Variants in DARS2 observed in about 807,000 individuals in gnomAD.
DARS2 encodes the protein aspartyl-tRNA synthetase 2, mitochondrial.
DARS2 carries 63 observed loss-of-function variants against 83.0 expected under a neutral mutation model. The ratio of observed to expected loss-of-function variants is 0.76; its 90% CI spans 0.62 to 0.94. DARS2 has a LOEUF of 0.94. Ranked by LOEUF, DARS2 falls within the 40% of genes least tolerant of loss-of-function variation. The probability of loss-of-function intolerance (pLI) is 0.00; values close to 1 mark genes in which losing one functional copy is unlikely to be tolerated. For synonymous variants in DARS2, 250 were observed against 269.3 expected, an observed-to-expected ratio of 0.93 and a Z score of 0.70; for missense variants, 675 against 774.4, an observed-to-expected ratio of 0.87 and a Z score of 1.52.
intron 12 of DARS2, among the ~76,000 whole-genome samples, chr1:173,847,343 ATC>A (rs1029676391): frequency 1.3e-5 from 2 of 152,192 alleles, no homozygotes; most frequent in African/African-American, 4.8e-5. Context: ...AGTATATAAA[ATC>A]TGCATCTAAG....
chr1:173,845,377 T>A, intron 12 of DARS2, 86 bp downstream of exon 12: 1 of 817,198 alleles, frequency 1.2e-6, no homozygotes, highest in Non-Finnish European at 2.0e-6. Flanking sequence ...TATCATTAGT[T>A]TTGAGCATCT....
intron 10 of DARS2, among the ~76,000 whole-genome samples, chr1:173,840,423 A>G (rs990699636): frequency 6.6e-6 from 1 of 152,162 alleles, no homozygotes; most frequent in African/African-American, 2.4e-5. Context: ...TTTTTAGTAG[A>G]GATGGAATTT....
At chr1:173,830,150 TG>T (rs757349072) in intron 3 of DARS2, among the ~76,000 whole-genome samples, 4 of 152,208 alleles carry the variant, frequency 2.6e-5, no homozygotes, top group Non-Finnish European at 4.4e-5. Flanking sequence ...TGGGCAAAGT[TG>T]GTTTCTATTG....
intron 9 of DARS2, among the ~76,000 whole-genome samples, chr1:173,839,150 T>C (rs1457985058): frequency 6.6e-6 from 1 of 152,252 alleles, no homozygotes; most frequent in Non-Finnish European, 1.5e-5. Context: ...ATAAGTAACT[T>C]AGTTCTCTGA....
intron 12 of DARS2, among the ~76,000 whole-genome samples, chr1:173,849,341 C>T (rs1347723687): frequency 2.0e-5 from 3 of 151,786 alleles, no homozygotes; most frequent in East Asian, 3.9e-4. Context: ...TGAGACCAGC[C>T]TGGCCAACAT....
Position 173,840,982 on chromosome 1 carries a change from A to T in DARS2, c.1128+9A>T. On this transcript the variant is annotated intron_variant, in intron 11 of 16. Transcript: ENST00000649689. ...GTATCCCTGAAGGAGCAGTAAGTGA[A>T]GTACAGTTCTATGTTTCTCTAGAAT... 6.8e-7 allele frequency: 1 copy of T among 1,469,124 alleles called. No homozygotes were observed. The highest frequency in any genetic ancestry group is 9.5e-7 in the Non-Finnish European group (1 of 1,047,784). The allele number at this position is 1,469,124 out of a possible 1,614,324, so 91.0% of individuals were successfully genotyped here.
Position 173,856,710 on chromosome 1 carries a change from TG to T in DARS2, c.1723del (p.Ala575HisfsTer9), listed in dbSNP as rs1307216916. 3 of 1,614,040 alleles carry T rather than the reference TG, an allele frequency of 1.9e-6. No individual in the cohort carries two copies. Among genetic ancestry groups the T allele is most frequent in the Non-Finnish European group, 2.5e-6 (3 of 1,179,962 alleles). On this transcript the variant is annotated frameshift_variant, in exon 16 of 17. Coordinates refer to ENST00000649689, the MANE Select transcript of DARS2 (RefSeq NM_018122.5). LOFTEE classifies it high-confidence loss of function. Reference sequence around the variant, plus strand: ...CCCATCTGCTCCAGGCTTTAGATTATGGGGCACCCCCTCATGGAGGAATTGC... The same window carrying T: ...CCCATCTGCTCCAGGCTTTAGATTATGGGCACCCCCTCATGGAGGAATTGC... ...LSHLLQALDY[G>X]APPHGGIALG...
intron 11 of DARS2, among the ~76,000 whole-genome samples, chr1:173,843,286 C>T (rs1230217344): frequency 6.6e-6 from 1 of 152,098 alleles, no homozygotes; most frequent in South Asian, 2.1e-4. Context: ...AAGGGCCAAG[C>T]GTGGTGGCTC....
chr1:173,851,450 C>T (rs1316857401), intron 13 of DARS2, among the ~76,000 whole-genome samples: 1 of 151,978 alleles, frequency 6.6e-6, no homozygotes, highest in Non-Finnish European at 1.5e-5. Context: ...ATACATCATG[C>T]ATTCGTAAAT....
intron 15 of DARS2, among the ~76,000 whole-genome samples, chr1:173,855,442 A>G (rs1056656086): frequency 2.0e-5 from 3 of 151,806 alleles, no homozygotes; most frequent in Admixed American, 6.6e-5. Flanking sequence ...AAAGCCTCCA[A>G]TCACCCATTG....
At chr1:173,854,042 C>T (rs1283950433) in intron 15 of DARS2, 137 bp downstream of exon 15, 2 of 738,732 alleles carry the variant, frequency 2.7e-6, no homozygotes, top group South Asian at 1.5e-5. Context: ...CTGGTGCATT[C>T]ATAGCTCACT....
chr1:173,838,338 T>C, intron 9 of DARS2, 79 bp downstream of exon 9: 1 of 1,041,518 alleles, frequency 9.6e-7, no homozygotes, highest in Non-Finnish European at 1.5e-6. Flanking sequence ...AGTGCAGTAT[T>C]AATACTTTAC....
intron 8 of DARS2, among the ~76,000 whole-genome samples, chr1:173,837,936 A>G (rs552083571): frequency 7.2e-5 from 11 of 151,932 alleles, no homozygotes; most frequent in Admixed American, 7.2e-4. Flanking sequence ...ACCCACGCCC[A>G]GCTAATTTTC....
At chr1:173,838,162 C>G in intron 8 of DARS2, 28 bp from the exon 9 acceptor site, 1 of 1,563,642 alleles carries the variant, frequency 6.4e-7, no homozygotes, top group South Asian at 1.1e-5. Context: ...AGAATCATAA[C>G]TCAATTAATG....
At chr1:173,846,165 A>C (rs1653428156) in intron 12 of DARS2, among the ~76,000 whole-genome samples, 2 of 152,000 alleles carry the variant, frequency 1.3e-5, no homozygotes, top group Non-Finnish European at 2.9e-5. Flanking sequence ...CTCAAAAAAA[A>C]AAAAAAATGC....
Position 173,831,693 on chromosome 1 carries a change from T to A in DARS2, c.492+63T>A, listed in dbSNP as rs577896203. The A allele has an allele frequency of 5.9e-5, 76 of 1,286,324 alleles. No homozygotes were observed. The South Asian group carries it at 9.1e-4, about 15-fold the overall frequency. 79.7% of individuals were successfully genotyped at this position (1,286,324 alleles called of 1,614,324 possible). A position where few individuals can be genotyped will look rare whatever the true frequency, so the allele number is the denominator to read the frequency against. On this transcript the variant is annotated intron_variant, in intron 5 of 16. Coordinates refer to ENST00000649689, the MANE Select transcript of DARS2 (RefSeq NM_018122.5). ...AAAATGTTGATGACTAGTCAAGTAT[T>A]TTCAGAGTTTTTTAAAGAAAAGTTT...
rs113699624 is a variant in DARS2 at position 173,837,051 on chromosome 1, G to A, written c.770+5G>A. 6.2e-7 allele frequency: 1 copy of A among 1,610,896 alleles called. No individual in the cohort carries two copies. The highest frequency in any genetic ancestry group is 8.5e-7 in the Non-Finnish European group (1 of 1,177,204). ...GATGGTTGGCGGTTTAGACAGGTGA[G>A]CTTTTTTTATGCTAGCAGTTGTCAG... On this transcript the variant is annotated splice_donor_5th_base_variant and intron_variant, in intron 8 of 16. Coordinates refer to ENST00000649689, the MANE Select transcript of DARS2 (RefSeq NM_018122.5).
Position 173,853,475 on chromosome 1 carries a change from G to A in DARS2, c.1471G>A (p.Glu491Lys). 2 of 1,614,056 alleles carry A rather than the reference G, an allele frequency of 1.2e-6. No homozygotes were observed. Among genetic ancestry groups the A allele is most frequent in the Non-Finnish European group, 1.7e-6 (2 of 1,180,026 alleles). The change falls in exon 14 of 17, where the codon GAG becomes AAG. Residue 491 changes from glutamate to lysine, a missense_variant. Transcript: ENST00000649689. ...VVDFPLFLPKEENPRELESAH... is the reference protein window; with the variant it reads ...VVDFPLFLPKKENPRELESAH... ...AGATTTCCCACTCTTCCTGCCCAAG[G>A]AGGAAAATCCCAGAGAGCTGGAATC...
At chr1:173,845,040 C>T (rs557582514) in intron 11 of DARS2, among the ~76,000 whole-genome samples, 189 bp from the exon 12 acceptor site, 1 of 151,992 alleles carries the variant, frequency 6.6e-6, no homozygotes, top group African/African-American at 2.4e-5. Flanking sequence ...AGCAGTCCAC[C>T]CGCCTCAGCC....
Sources: gnomAD v4.1 joint callset for allele counts (sites outside exome capture counted in the v4.1 genomes callset) on GRCh38, gnomAD v4.1.1 for gene constraint, MANE v1.5 for transcripts, NCBI Gene and HGNC (gene_info 2026-07-23, HGNC 2026-07-21) for gene names.